SLC24A3: variants seen among roughly 807,000 people sequenced by gnomAD.
SLC24A3 encodes the protein solute carrier family 24 member 3.
In SLC24A3, 28 loss-of-function variants were observed where a neutral mutation model predicts 75.8. The observed-to-expected ratio is 0.37, with a 90% CI of 0.27 to 0.51. The LOEUF (loss-of-function observed/expected upper bound fraction) is 0.51, where lower values mean the gene tolerates loss of function less well. SLC24A3 is among the 20% of genes least tolerant of loss of function. The pLI is 0.94. For missense variants in SLC24A3, 663 were observed against 847.8 expected (o/e 0.78, Z 2.71); for synonymous variants, 372 against 334.1 (o/e 1.11, Z -1.24).
intron 3 of SLC24A3, among the ~76,000 whole-genome samples, chr20:19,536,739 G>C (rs1183469576): frequency 6.6e-6 from 1 of 152,112 alleles, no homozygotes; most frequent in Non-Finnish European, 1.5e-5. Context: ...ACAACTATCT[G>C]ATCTTTGACA....
chr20:19,488,148 G>A (rs909217844), intron 2 of SLC24A3, among the ~76,000 whole-genome samples: 11 of 152,174 alleles, frequency 7.2e-5, no homozygotes, highest in African/African-American at 2.7e-4. Flanking sequence ...GCATTTTATT[G>A]TTACTGACTC....
At chr20:19,568,837 T>A (rs1475392128) in intron 3 of SLC24A3, among the ~76,000 whole-genome samples, 1 of 152,238 alleles carries the variant, frequency 6.6e-6, no homozygotes, top group Non-Finnish European at 1.5e-5. Flanking sequence ...AATATTTGTA[T>A]ATGTTGATAC....
At chr20:19,293,655 CAAAAAAAAAAAA>C (rs760339037) in intron 2 of SLC24A3, among the ~76,000 whole-genome samples, 1 of 57,788 alleles carries the variant, frequency 1.7e-5, no homozygotes, top group South Asian at 6.2e-4. Context: ...AACTTCGTCT[CAAAAAAAAAAAA>C]AAAAAAAAGG....
At chr20:19,635,287 C>T (rs960454704) in intron 6 of SLC24A3, among the ~76,000 whole-genome samples, 2 of 152,044 alleles carry the variant, frequency 1.3e-5, no homozygotes, top group Admixed American at 1.3e-4. Flanking sequence ...TTGTATTGAT[C>T]CAGAGTATGG....
At chr20:19,566,598 T>C (rs1392318379) in intron 3 of SLC24A3, among the ~76,000 whole-genome samples, 2 of 152,236 alleles carry the variant, frequency 1.3e-5, no homozygotes, top group Non-Finnish European at 2.9e-5. Flanking sequence ...TACTGGGTAA[T>C]ACTTTGAAAA....
At chr20:19,306,290 A>G (rs1315286280) in intron 2 of SLC24A3, among the ~76,000 whole-genome samples, 1 of 152,238 alleles carries the variant, frequency 6.6e-6, no homozygotes, top group Non-Finnish European at 1.5e-5. Flanking sequence ...TGTAAATTAC[A>G]TCAGCCACTG....
chr20:19,663,661 A>G (rs1160955801), intron 7 of SLC24A3, among the ~76,000 whole-genome samples: 1 of 151,586 alleles, frequency 6.6e-6, no homozygotes, highest in Non-Finnish European at 1.5e-5. Context: ...TCCCTGAACC[A>G]TATCCCCAAC....
chr20:19,606,442 G>A (rs2031598417), intron 6 of SLC24A3, among the ~76,000 whole-genome samples: 1 of 152,086 alleles, frequency 6.6e-6, no homozygotes, highest in Non-Finnish European at 1.5e-5. Context: ...AATGTTTGGT[G>A]CTGAAATGCA....
intron 2 of SLC24A3, among the ~76,000 whole-genome samples, chr20:19,464,522 ACT>A (rs1987732630): frequency 2.0e-5 from 3 of 151,276 alleles, no homozygotes; most frequent in South Asian, 4.2e-4. Flanking sequence ...ATCACATAAA[ACT>A]CTCTCTGCTT....
chr20:19,644,846 C>T (rs1328784526), intron 6 of SLC24A3, among the ~76,000 whole-genome samples: 1 of 152,104 alleles, frequency 6.6e-6, no homozygotes, highest in Admixed American at 6.5e-5. Context: ...CTCAGGGCTT[C>T]CAACTCTGAA....
intron 2 of SLC24A3, among the ~76,000 whole-genome samples, chr20:19,388,672 A>G (rs1467865635): frequency 2.6e-5 from 4 of 152,176 alleles, no homozygotes; most frequent in Admixed American, 6.5e-5. Context: ...AGATTGGGCC[A>G]CTGTAAATAA....
chr20:19,632,327 C>T (rs1050857681), intron 6 of SLC24A3, among the ~76,000 whole-genome samples: 3 of 152,278 alleles, frequency 2.0e-5, no homozygotes, highest in African/African-American at 7.2e-5. Context: ...AGTCTAAAAT[C>T]GAGGTGTCGG....
At chr20:19,253,561 C>T (rs1052476791) in intron 1 of SLC24A3, among the ~76,000 whole-genome samples, 6 of 152,298 alleles carry the variant, frequency 3.9e-5, no homozygotes, top group South Asian at 2.1e-4. Flanking sequence ...CTGTAGTATC[C>T]GCATCTGTAC....
intron 2 of SLC24A3, among the ~76,000 whole-genome samples, chr20:19,424,745 C>CAAAAAAAAAAAAAAAAAAAAA (rs528342351): frequency 2.0e-5 from 1 of 49,146 alleles, no homozygotes; most frequent in African/African-American, 7.7e-5. Flanking sequence ...AAAACAACAA[C>CAAAAAAAAAAAAAAAAAAAAA]AAAAAAAAAA....
At chr20:19,443,998 G>A (rs753130668) in intron 2 of SLC24A3, among the ~76,000 whole-genome samples, 2 of 152,112 alleles carry the variant, frequency 1.3e-5, no homozygotes, top group Non-Finnish European at 2.9e-5. Flanking sequence ...TTTCTGCCAG[G>A]TTCCCCTCTA....
chr20:19,518,641 C>T (rs188181165), intron 3 of SLC24A3, among the ~76,000 whole-genome samples: 5 of 152,270 alleles, frequency 3.3e-5, no homozygotes, highest in East Asian at 3.9e-4. Flanking sequence ...AGAATATGAG[C>T]GTGGAGAGAC....
chr20:19,493,146 G>T (rs972601697), intron 2 of SLC24A3, among the ~76,000 whole-genome samples: 1 of 152,222 alleles, frequency 6.6e-6, no homozygotes, highest in African/African-American at 2.4e-5. Flanking sequence ...AGCCGACCAG[G>T]TGACCAGCTG....
Position 19,412,550 on chromosome 20 carries a change from G to A in SLC24A3, c.272-102938G>A, listed in dbSNP as rs151294144. On this transcript the variant is annotated intron_variant, in intron 2 of 16. Coordinates refer to ENST00000328041, the MANE Select transcript of SLC24A3 (RefSeq NM_020689.4). ...AGGAGAAGGAGGAAAAGAGGAAGAC[G>A]GAGAAGGAGGAGGGACAGGACGAGG... is the stretch of plus-strand genomic sequence containing the variant. 2.5e-4 allele frequency among the ~76,000 whole-genome samples: 38 copies of A among 151,694 alleles called. 1 individual carries two copies. The East Asian group carries it at 6.1e-3, about 24-fold the overall frequency.
chr20:19,364,403 C>A (rs1191283598), intron 2 of SLC24A3, among the ~76,000 whole-genome samples: 1 of 151,798 alleles, frequency 6.6e-6, no homozygotes, highest in African/African-American at 2.4e-5. Context: ...CCAACAGATT[C>A]CAGTTCAGGA....
Sources: gnomAD v4.1 joint callset for allele counts (sites outside exome capture counted in the v4.1 genomes callset) on GRCh38, gnomAD v4.1.1 for gene constraint, MANE v1.5 for transcripts, NCBI Gene and HGNC (gene_info 2026-07-23, HGNC 2026-07-21) for gene names.